The following TAFA1 variants were observed in gnomAD, a reference collection of about 807,000 sequenced individuals.
TAFA1 encodes chemokine-like protein TAFA-1.
In TAFA1, 4 loss-of-function variants were observed where a neutral mutation model predicts 18.5. That is an observed-to-expected ratio of 0.22 (90% confidence interval 0.11 to 0.49). The LOEUF (loss-of-function observed/expected upper bound fraction) is 0.49. Ranked by LOEUF, TAFA1 falls within the 20% of genes least tolerant of loss-of-function variation. The pLI is 0.98. For missense variants in TAFA1, 147 were observed against 169.0 expected (o/e 0.87, Z 0.72); for synonymous variants, 56 against 55.2 (o/e 1.01, Z -0.06).
chr3:68,469,664 C>T (rs1222449870), intron 3 of TAFA1, among the ~76,000 whole-genome samples: 1 of 152,112 alleles, frequency 6.6e-6, no homozygotes, highest in Non-Finnish European at 1.5e-5. Context: ...GAGAGTGAGA[C>T]TCTGTCTCAA....
At chr3:68,023,835 T>A (rs1704749872) in intron 2 of TAFA1, among the ~76,000 whole-genome samples, 1 of 152,172 alleles carries the variant, frequency 6.6e-6, no homozygotes, top group Non-Finnish European at 1.5e-5. Context: ...GCCCAGCTCC[T>A]CATTTAAGTA....
intron 3 of TAFA1, among the ~76,000 whole-genome samples, chr3:68,511,625 T>C (rs985130192): frequency 6.6e-6 from 1 of 152,018 alleles, no homozygotes; most frequent in Admixed American, 6.6e-5. Flanking sequence ...GAAAAGTAGT[T>C]TAAAATTTTA....
At chr3:68,375,177 T>A (rs192035654) in intron 2 of TAFA1, among the ~76,000 whole-genome samples, 1 of 152,326 alleles carries the variant, frequency 6.6e-6, no homozygotes. Context: ...TAGCCTCATT[T>A]TTCTCTCTGC....
chr3:68,406,714 A>C (rs1318415968), intron 2 of TAFA1, among the ~76,000 whole-genome samples: 1 of 152,236 alleles, frequency 6.6e-6, no homozygotes, highest in Non-Finnish European at 1.5e-5. Flanking sequence ...CAAAAATTTG[A>C]AGGCAGATCT....
chr3:68,480,792 C>G (rs527928149), intron 3 of TAFA1, among the ~76,000 whole-genome samples: 1 of 152,162 alleles, frequency 6.6e-6, no homozygotes, highest in Non-Finnish European at 1.5e-5. Context: ...TGTCCCCACC[C>G]AAGTCTCATC....
chr3:68,100,476 G>A (rs748229751), intron 2 of TAFA1, among the ~76,000 whole-genome samples: 2 of 152,038 alleles, frequency 1.3e-5, no homozygotes, highest in Non-Finnish European at 2.9e-5. Context: ...GGTTTAGCAT[G>A]GGACTGTCAT....
chr3:68,140,254 C>T lies in TAFA1; in HGVS notation c.118+133510C>T, dbSNP rs368139415. ...CAGAAAATACAGCAGGCTTTGGGGCCGATGCCTTTCTTCACTTACTGCATA... is the reference window on the plus strand; with the variant it reads ...CAGAAAATACAGCAGGCTTTGGGGCTGATGCCTTTCTTCACTTACTGCATA... On this transcript the variant is annotated intron_variant, in intron 2 of 4. Coordinates refer to ENST00000478136, the MANE Select transcript of TAFA1 (RefSeq NM_213609.4). Among the ~76,000 whole-genome samples the T allele has an allele frequency of 1.2e-4, 19 of 152,256 alleles. No individual in the cohort carries two copies. In the East Asian group the frequency reaches 2.1e-3, roughly 17 times the overall value.
At chr3:68,422,466 C>T (rs1024903518) in intron 3 of TAFA1, among the ~76,000 whole-genome samples, 1 of 152,082 alleles carries the variant, frequency 6.6e-6, no homozygotes, top group African/African-American at 2.4e-5. Flanking sequence ...ATTTGCCTTC[C>T]TCTGAAATTT....
At chr3:68,381,672 T>A (rs2069960340) in intron 2 of TAFA1, among the ~76,000 whole-genome samples, 1 of 152,214 alleles carries the variant, frequency 6.6e-6, no homozygotes, top group Admixed American at 6.5e-5. Flanking sequence ...GATTTTGGGC[T>A]GAGAAGATGG....
intron 2 of TAFA1, among the ~76,000 whole-genome samples, chr3:68,306,945 A>G (rs768521770): frequency 6.6e-6 from 1 of 152,202 alleles, no homozygotes; most frequent in Non-Finnish European, 1.5e-5. Context: ...ATTTCAAAAC[A>G]TCAAAACCTG....
chr3:68,110,165 TC>T (rs2065247828), intron 2 of TAFA1, among the ~76,000 whole-genome samples: 1 of 152,110 alleles, frequency 6.6e-6, no homozygotes, highest in Non-Finnish European at 1.5e-5. Context: ...GGGTGTTGTT[TC>T]CCCTACCATG....
chr3:68,424,883 G>C (rs1317320952), intron 3 of TAFA1, among the ~76,000 whole-genome samples: 1 of 151,958 alleles, frequency 6.6e-6, no homozygotes, highest in Non-Finnish European at 1.5e-5. Context: ...CTAGTCCCCA[G>C]AATTCCATGC....
intron 2 of TAFA1, among the ~76,000 whole-genome samples, chr3:68,395,380 T>G (rs1267018994): frequency 2.6e-5 from 4 of 152,204 alleles, no homozygotes; most frequent in Non-Finnish European, 5.9e-5. Context: ...GGAAATGGTG[T>G]GGCCATTCCT....
At position 68,400,232 on chromosome 3, in the gene TAFA1, A is replaced by T. The variant is rs115841456; in HGVS notation, c.119-17048A>T. Reference sequence around the variant, plus strand: ...AAACCAGGTGTGCTGTTACCAAAAGAGGGAATGAGACATAGGCAAGCAGGA... The same window carrying T: ...AAACCAGGTGTGCTGTTACCAAAAGTGGGAATGAGACATAGGCAAGCAGGA... On this transcript the variant is annotated intron_variant, in intron 2 of 4. Transcript: ENST00000478136. 8.1e-3 allele frequency among the ~76,000 whole-genome samples: 1,232 copies of T among 152,268 alleles called. 15 individuals are homozygous for T. The highest frequency in any genetic ancestry group is 0.028 in the African/African-American group (1,160 of 41,544).
At chr3:68,409,287 A>T (rs1268656733) in intron 2 of TAFA1, among the ~76,000 whole-genome samples, 3 of 152,148 alleles carry the variant, frequency 2.0e-5, no homozygotes, top group Non-Finnish European at 4.4e-5. Flanking sequence ...TTGTTCTTGG[A>T]CACGAAACCA....
intron 3 of TAFA1, among the ~76,000 whole-genome samples, chr3:68,479,857 C>T (rs147112128): frequency 2.0e-5 from 3 of 152,028 alleles, no homozygotes; most frequent in East Asian, 3.9e-4. Flanking sequence ...CACACATACA[C>T]ATTCATACTC....
At chr3:68,160,680 G>A (rs1253576134) in intron 2 of TAFA1, among the ~76,000 whole-genome samples, 1 of 152,108 alleles carries the variant, frequency 6.6e-6, no homozygotes, top group African/African-American at 2.4e-5. Context: ...AGCCATTTTT[G>A]GTAATAGTCA....
chr3:68,054,300 TTCCCACTCTA>T (rs759976615), intron 2 of TAFA1, among the ~76,000 whole-genome samples: 87 of 151,978 alleles, frequency 5.7e-4, no homozygotes, highest in Non-Finnish European at 8.7e-4. Context: ...AGTGAGTGAG[TTCCCACTCTA>T]TTAGTTCCCA....
chr3:68,036,215 T>A (rs1705043925), intron 2 of TAFA1, among the ~76,000 whole-genome samples: 1 of 152,058 alleles, frequency 6.6e-6, no homozygotes, highest in Admixed American at 6.6e-5. Context: ...CCAAGGTGGG[T>A]GGATCACGAG....
Sources: gnomAD v4.1 joint callset for allele counts (sites outside exome capture counted in the v4.1 genomes callset) on GRCh38, gnomAD v4.1.1 for gene constraint, MANE v1.5 for transcripts, NCBI Gene and HGNC (gene_info 2026-07-23, HGNC 2026-07-21) for gene names.